The following IQCE variants were observed in gnomAD, a reference collection of about 807,000 sequenced individuals.
The protein encoded by IQCE is IQ motif containing E.
Under a neutral mutation model 96.0 loss-of-function variants are expected in IQCE, and 115 were observed. The observed-to-expected ratio is 1.20, with a 90% CI of 1.03 to 1.40. The LOEUF (loss-of-function observed/expected upper bound fraction) is 1.40. IQCE is among the 40% of genes most tolerant of loss of function. IQCE has a pLI of 0.00. For missense variants in IQCE, 1,041 were observed against 909.1 expected, an observed-to-expected ratio of 1.15 and a Z score of -1.87; for synonymous variants, 412 against 371.2, an observed-to-expected ratio of 1.11 and a Z score of -1.26.
Position 2,559,112 on chromosome 7 carries a change from T to G in IQCE, c.-70T>G. ...CCCCGAGGCTGCGGGCGGCCAGGGC[T>G]GCCCGCGGATTCCCAGACCCGGACG... On this transcript the variant is annotated 5_prime_UTR_variant, in exon 1 of 22. Coordinates refer to ENST00000402050, the MANE Select transcript of IQCE (RefSeq NM_152558.5). 1 of 955,204 alleles carries G rather than the reference T, an allele frequency of 1.0e-6. No individual in the cohort carries two copies. Among genetic ancestry groups the G allele is most frequent in the South Asian group, 5.2e-5 (1 of 19,324 alleles). 59.2% of individuals were successfully genotyped at this position (955,204 alleles called of 1,614,324 possible).
chr7:2,561,387 T>G (rs1419975112), intron 1 of IQCE, among the ~76,000 whole-genome samples: 1 of 152,194 alleles, frequency 6.6e-6, no homozygotes, highest in Admixed American at 6.5e-5. Context: ...TTTCTTAATT[T>G]CATTTCAGCT....
rs572801150 is a variant in IQCE at position 2,570,569 on chromosome 7, C to T, written c.131-957C>T. ...GAATTTCACATAAATTGTGAAACCG[C>T]GGGAAAAACTTAGAAACTTAAACAT... On this transcript the variant is annotated intron_variant, in intron 3 of 21. Transcript: ENST00000402050. 2.0e-4 allele frequency among the ~76,000 whole-genome samples: 30 copies of T among 151,726 alleles called. 1 individual carries two copies. In the South Asian group the frequency reaches 4.0e-3, roughly 20 times the overall value.
chr7:2,578,165 CTGTGTGCGCGGGGACG>C, intron 6 of IQCE, 61 bp from the exon 7 acceptor site: 1 of 1,109,300 alleles, frequency 9.0e-7, no homozygotes, highest in Admixed American at 1.7e-5. Flanking sequence ...GTGTGCGTGG[CTGTGTGCGCGGGGACG>C]TGTGTGCGGC....
chr7:2,592,512 A>G (rs1783682769), intron 14 of IQCE, among the ~76,000 whole-genome samples: 1 of 152,212 alleles, frequency 6.6e-6, no homozygotes, highest in African/African-American at 2.4e-5. Context: ...CGGGGCTCGC[A>G]GACAGCATAC....
intron 14 of IQCE, among the ~76,000 whole-genome samples, chr7:2,591,730 C>T (rs1583471969): frequency 6.6e-6 from 1 of 151,726 alleles, no homozygotes; most frequent in African/African-American, 2.4e-5. Flanking sequence ...AAGCAATTCT[C>T]ATGCCTCAGC....
chr7:2,572,040 G>A, intron 4 of IQCE, 152 bp from the exon 5 acceptor site: 4 of 754,614 alleles, frequency 5.3e-6, no homozygotes, highest in Non-Finnish European at 2.2e-6. Context: ...ATATTTGGGA[G>A]CTGGTTGGTT....
At chr7:2,560,041 T>C (rs951094879) in intron 1 of IQCE, among the ~76,000 whole-genome samples, 2 of 151,784 alleles carry the variant, frequency 1.3e-5, no homozygotes, top group African/African-American at 4.9e-5. Flanking sequence ...CTGCCTGTAG[T>C]CCCAACTACT....
At chr7:2,589,849 G>C in intron 13 of IQCE, 58 bp from the exon 14 acceptor site, 1 of 1,538,392 alleles carries the variant, frequency 6.5e-7, no homozygotes, top group Admixed American at 1.7e-5. Context: ...TTCTGGGTTT[G>C]GTAAATAGAA....
Position 2,580,411 on chromosome 7 carries a change from A to C in IQCE, c.630+1885A>C, listed in dbSNP as rs151218717. ...GATCACCTGAAGTCAGGAGTTCAAG[A>C]CCAGCCTGGCCAACATGGTGAAGCC... is the stretch of plus-strand genomic sequence containing the variant. On this transcript the variant is annotated intron_variant, in intron 8 of 21. Transcript: ENST00000402050. 4.4e-3 allele frequency among the ~76,000 whole-genome samples: 665 copies of C among 152,156 alleles called. 5 individuals carry two copies. The highest frequency in any genetic ancestry group is 0.015 in the African/African-American group (631 of 41,490).
chr7:2,559,308 GC>G (rs1387409510), intron 1 of IQCE, 91 bp downstream of exon 1: 3 of 712,972 alleles, frequency 4.2e-6, no homozygotes, highest in Non-Finnish European at 5.7e-6. Context: ...CCGCGCAGGG[GC>G]CGGCCCGGGG....
chr7:2,574,563 G>C (rs1781982806), intron 6 of IQCE, among the ~76,000 whole-genome samples: 1 of 152,184 alleles, frequency 6.6e-6, no homozygotes, highest in South Asian at 2.1e-4. Flanking sequence ...GTTACAGAGG[G>C]GATCCTCATT....
At chr7:2,572,719 T>G (rs917103244) in intron 5 of IQCE, 1 of 459,230 alleles carries the variant, frequency 2.2e-6, no homozygotes, top group African/African-American at 2.0e-5. Flanking sequence ...CCTAGTCTCT[T>G]TTTTTTTAGA....
At chr7:2,584,960 A>G (rs1782980436) in intron 11 of IQCE, among the ~76,000 whole-genome samples, 1 of 152,190 alleles carries the variant, frequency 6.6e-6, no homozygotes, top group Non-Finnish European at 1.5e-5. Flanking sequence ...TTACAGAGTT[A>G]TAAAGTCTCC....
rs974468539 is a variant in IQCE, at chr7:2,567,999, G to T, written c.84+836G>T. 9.2e-5 allele frequency among the ~76,000 whole-genome samples: 14 copies of T among 152,348 alleles called. No homozygotes were observed. The East Asian group carries it at 2.1e-3, about 23-fold the overall frequency. ...GCTCAATGTTTCTGCTGGAGGGGAA[G>T]TGAGGAGACCTGGCCGCGGTAGCCT... On this transcript the variant is annotated intron_variant, in intron 2 of 21. Transcript: ENST00000402050.
At chr7:2,576,028 G>A (rs1782098106) in intron 6 of IQCE, among the ~76,000 whole-genome samples, 1 of 152,186 alleles carries the variant, frequency 6.6e-6, no homozygotes, top group Non-Finnish European at 1.5e-5. Flanking sequence ...CTGGGCCTTC[G>A]CTAATTTACT....
At chr7:2,563,270 C>T (rs890087137) in intron 1 of IQCE, among the ~76,000 whole-genome samples, 27 of 152,144 alleles carry the variant, frequency 1.8e-4, no homozygotes, top group African/African-American at 5.1e-4. Flanking sequence ...GATCATGGCT[C>T]ACTGCAGCCT....
Position 2,594,905 on chromosome 7 carries a change from A to C in IQCE, c.1369A>C (p.Thr457Pro). ...CCTTAGAGAGGAGATTCAGACACTT[A>C]CCAGCAAGCTCCAAGAATTGCAAGA... is the stretch of plus-strand genomic sequence containing the variant. ...EVLREEIQTL[T>P]SKLQELQEMK... is the part of the protein sequence containing the mutation. Residue 457 changes from threonine (T) to proline (P), a missense_variant, in exon 16 of 22, where the codon ACC (threonine) becomes CCC (proline). Transcript: ENST00000402050. 2 of 1,613,614 alleles carry C rather than the reference A, an allele frequency of 1.2e-6. No homozygotes were observed. The highest frequency in any genetic ancestry group is 1.7e-6 in the Non-Finnish European group (2 of 1,179,504).
intron 6 of IQCE, among the ~76,000 whole-genome samples, chr7:2,577,243 CAT>C (rs1255059959): frequency 5.9e-5 from 9 of 152,090 alleles, no homozygotes; most frequent in Non-Finnish European, 1.3e-4. Context: ...GTGGTGTGTG[CAT>C]GGCTGTGTAC....
chr7:2,599,131 C>G (rs768754074), intron 17 of IQCE, among the ~76,000 whole-genome samples: 1 of 152,184 alleles, frequency 6.6e-6, no homozygotes, highest in Non-Finnish European at 1.5e-5. Context: ...GTTACGTCTC[C>G]TTAGTGTGGT....
Sources: allele counts gnomAD v4.1 joint callset (sites outside exome capture counted in the v4.1 genomes callset), GRCh38; gene constraint gnomAD v4.1.1; transcripts MANE v1.5; gene names NCBI Gene and HGNC (gene_info 2026-07-23, HGNC 2026-07-21).